TRAPPC9: variants seen among roughly 807,000 people sequenced by gnomAD.
TRAPPC9 encodes trafficking protein particle complex subunit 9.
In TRAPPC9, 83 loss-of-function variants were observed where a neutral mutation model predicts 124.0. The ratio of observed to expected loss-of-function variants is 0.67; its 90% confidence interval spans 0.56 to 0.80. The LOEUF is 0.80. TRAPPC9 is among the 30% of genes least tolerant of loss of function. The pLI is 0.00. For missense variants in TRAPPC9, 1,302 were observed against 1,508.3 expected, an observed-to-expected ratio of 0.86 and a Z score of 2.27; for synonymous variants, 638 against 617.5, an observed-to-expected ratio of 1.03 and a Z score of -0.49.
At chr8:140,323,463 G>A (rs553079073) in intron 9 of TRAPPC9, among the ~76,000 whole-genome samples, 10 of 152,210 alleles carry the variant, frequency 6.6e-5, no homozygotes, top group Non-Finnish European at 8.8e-5. Context: ...AAAGGGTGGC[G>A]GGGAACCGTC....
intron 17 of TRAPPC9, among the ~76,000 whole-genome samples, chr8:140,065,556 AG>A (rs1842860313): frequency 6.6e-6 from 1 of 152,208 alleles, no homozygotes; most frequent in African/African-American, 2.4e-5. Context: ...TTGAATTTAA[AG>A]CCAACACTCA....
intron 17 of TRAPPC9, among the ~76,000 whole-genome samples, chr8:140,070,230 G>A (rs78864318): frequency 6.1e-4 from 93 of 152,296 alleles, no homozygotes; most frequent in African/African-American, 2.1e-3. Context: ...GCATCTTCAC[G>A]CATACCTTTT....
chr8:140,284,520 A>C (rs1002595904), intron 13 of TRAPPC9, among the ~76,000 whole-genome samples: 1 of 152,196 alleles, frequency 6.6e-6, no homozygotes, highest in Admixed American at 6.5e-5. Flanking sequence ...GTGTGTGTAT[A>C]AGCACCATAA....
At chr8:140,194,819 T>C (rs924773735) in intron 17 of TRAPPC9, among the ~76,000 whole-genome samples, 5 of 149,924 alleles carry the variant, frequency 3.3e-5, no homozygotes, top group Non-Finnish European at 7.4e-5. Context: ...CAACAACCTA[T>C]CGTACAGCTC....
At chr8:140,080,722 A>C (rs1215310237) in intron 17 of TRAPPC9, among the ~76,000 whole-genome samples, 1 of 152,200 alleles carries the variant, frequency 6.6e-6, no homozygotes, top group African/African-American at 2.4e-5. Flanking sequence ...TTCAAGCAAG[A>C]GTTTTGGTGG....
chr8:139,767,066 G>A (rs1335017484), intron 21 of TRAPPC9, among the ~76,000 whole-genome samples: 2 of 152,180 alleles, frequency 1.3e-5, no homozygotes, highest in African/African-American at 2.4e-5. Context: ...TGCTGAGGAC[G>A]CCAACGAGGA....
intron 6 of TRAPPC9, 127 bp downstream of exon 6, chr8:140,405,450 A>C: frequency 1.9e-6 from 2 of 1,031,792 alleles, no homozygotes; most frequent in Non-Finnish European, 2.9e-6. Context: ...TATGCATTAG[A>C]GAGCAAGACA....
At chr8:140,051,948 G>A (rs1205049357) in intron 17 of TRAPPC9, among the ~76,000 whole-genome samples, 1 of 152,098 alleles carries the variant, frequency 6.6e-6, no homozygotes, top group Non-Finnish European at 1.5e-5. Flanking sequence ...CAGGGTAATA[G>A]ACCCATGAAA....
At chr8:140,262,096 A>G (rs575515323) in intron 15 of TRAPPC9, among the ~76,000 whole-genome samples, 96 of 152,320 alleles carry the variant, frequency 6.3e-4, no homozygotes, top group Non-Finnish European at 1.1e-3. Context: ...TACTCAGGCC[A>G]TGCAGAAGTG....
chr8:139,867,610 GGGCCACCTGA>G (rs1319175522), intron 21 of TRAPPC9, among the ~76,000 whole-genome samples: 1 of 152,168 alleles, frequency 6.6e-6, no homozygotes, highest in African/African-American at 2.4e-5. Flanking sequence ...TAGAGATTGT[GGGCCACCTGA>G]TAGACACAAA....
chr8:140,335,498 T>C (rs528645309), intron 9 of TRAPPC9, among the ~76,000 whole-genome samples: 33 of 151,968 alleles, frequency 2.2e-4, no homozygotes, highest in African/African-American at 7.5e-4. Flanking sequence ...ACGGGAAACA[T>C]AGAAGGAAAA....
At chr8:140,191,779 A>G (rs1587890998) in intron 17 of TRAPPC9, among the ~76,000 whole-genome samples, 1 of 152,074 alleles carries the variant, frequency 6.6e-6, no homozygotes, top group Admixed American at 6.5e-5. Flanking sequence ...CCCAGCCCCA[A>G]ATTTCCCCCA....
Position 140,138,178 on chromosome 8 carries a change from T to C in TRAPPC9, c.2556+83281A>G, listed in dbSNP as rs191481542. Among the ~76,000 whole-genome samples the C allele has an allele frequency of 1.2e-3, 177 of 152,250 alleles. 1 individual carries two copies. The highest frequency in any genetic ancestry group is 6.8e-3 in the Middle Eastern group (2 of 294). On this transcript the variant is annotated intron_variant, in intron 17 of 22. Transcript: ENST00000438773. ...TAGCCAGGCACGGTGGGCAAACACC[T>C]GTAATCTCAGCTACTCAGGAGGCTA... is the stretch of plus-strand genomic sequence containing the variant.
intron 18 of TRAPPC9, among the ~76,000 whole-genome samples, chr8:139,998,698 G>T (rs906321350): frequency 6.6e-6 from 1 of 151,986 alleles, no homozygotes; most frequent in African/African-American, 2.4e-5. Flanking sequence ...CTCCAGTCTG[G>T]GCAACACAGC....
At chr8:139,762,912 T>G (rs1391282480) in intron 21 of TRAPPC9, among the ~76,000 whole-genome samples, 6 of 152,030 alleles carry the variant, frequency 3.9e-5, no homozygotes, top group Admixed American at 3.9e-4. Flanking sequence ...TGATGGGAGG[T>G]GGAGCAGCGC....
chr8:140,209,160 G>GC (rs2062997337), intron 17 of TRAPPC9, among the ~76,000 whole-genome samples: 1 of 152,360 alleles, frequency 6.6e-6, no homozygotes, highest in East Asian at 1.9e-4. Flanking sequence ...TGAGGCCTCT[G>GC]CAGACGATCC....
intron 17 of TRAPPC9, among the ~76,000 whole-genome samples, chr8:140,033,019 T>C (rs1018536017): frequency 6.6e-6 from 1 of 152,246 alleles, no homozygotes; most frequent in Non-Finnish European, 1.5e-5. Flanking sequence ...CACATTTTCA[T>C]GCCTTTTTCA....
At chr8:140,410,744 G>C (rs969039642) in intron 5 of TRAPPC9, among the ~76,000 whole-genome samples, 15 of 151,994 alleles carry the variant, frequency 9.9e-5, no homozygotes, top group Non-Finnish European at 1.8e-4. Context: ...TCGGGAGGCT[G>C]AGGCAGGAGA....
chr8:139,810,395 T>A (rs960648862), intron 21 of TRAPPC9, among the ~76,000 whole-genome samples: 1 of 151,894 alleles, frequency 6.6e-6, no homozygotes, highest in Non-Finnish European at 1.5e-5. Flanking sequence ...CGAGCCAGGG[T>A]CCAGCCGGAG....
Sources: allele counts gnomAD v4.1 joint callset (sites outside exome capture counted in the v4.1 genomes callset), GRCh38; gene constraint gnomAD v4.1.1; transcripts MANE v1.5; gene names NCBI Gene and HGNC (gene_info 2026-07-23, HGNC 2026-07-21).